The following DSCAM variants were observed in gnomAD, a reference collection of about 807,000 sequenced individuals.
The protein encoded by DSCAM is cell adhesion molecule DSCAM.
DSCAM carries 47 observed loss-of-function variants against 217.7 expected under a neutral mutation model. The ratio of observed to expected loss-of-function variants is 0.22; its 90% CI spans 0.17 to 0.28. DSCAM has a LOEUF of 0.28. Among genes scored for constraint, DSCAM ranks in the 10% least tolerant of loss-of-function variants. DSCAM has a pLI of 1.00. For missense variants in DSCAM, 2,080 were observed against 2,618.3 expected (o/e 0.79, Z 4.49); for synonymous variants, 1,056 against 1,015.3 (o/e 1.04, Z -0.76).
chr21:40,096,600 AC>A (rs1361918408), intron 20 of DSCAM, among the ~76,000 whole-genome samples: 1 of 152,178 alleles, frequency 6.6e-6, no homozygotes, highest in Non-Finnish European at 1.5e-5. Flanking sequence ...GAGAGACAGG[AC>A]CAAAAAAAGG....
At chr21:40,201,421 T>G (rs2091068574) in intron 11 of DSCAM, among the ~76,000 whole-genome samples, 1 of 152,058 alleles carries the variant, frequency 6.6e-6, no homozygotes, top group Non-Finnish European at 1.5e-5. Context: ...AGGTACTATA[T>G]TTTGCCCAAT....
At chr21:40,592,201 C>A (rs2076989028) in intron 3 of DSCAM, among the ~76,000 whole-genome samples, 1 of 152,098 alleles carries the variant, frequency 6.6e-6, no homozygotes. Flanking sequence ...TTAAATTTTT[C>A]AGGTGAGAAA....
chr21:40,748,294 A>G (rs2091194526), intron 1 of DSCAM, among the ~76,000 whole-genome samples: 1 of 151,916 alleles, frequency 6.6e-6, no homozygotes, highest in African/African-American at 2.4e-5. Context: ...TTTGCAGACA[A>G]TATCATCATA....
intron 20 of DSCAM, among the ~76,000 whole-genome samples, chr21:40,116,745 G>A (rs887372396): frequency 2.4e-4 from 37 of 151,222 alleles, no homozygotes; most frequent in African/African-American, 7.8e-4. Flanking sequence ...GCTCACGCCT[G>A]TAATCCCAGC....
At chr21:40,327,272 T>C (rs2074327932) in intron 8 of DSCAM, among the ~76,000 whole-genome samples, 1 of 152,174 alleles carries the variant, frequency 6.6e-6, no homozygotes, top group Non-Finnish European at 1.5e-5. Flanking sequence ...CCCTTTCTTA[T>C]CTCTACATAA....
At chr21:40,108,439 T>C (rs2089850105) in intron 20 of DSCAM, among the ~76,000 whole-genome samples, 1 of 152,150 alleles carries the variant, frequency 6.6e-6, no homozygotes, top group African/African-American at 2.4e-5. Flanking sequence ...GGAATGAAGC[T>C]AACTAGGATG....
intron 3 of DSCAM, among the ~76,000 whole-genome samples, chr21:40,416,590 A>G (rs2075374131): frequency 6.6e-6 from 1 of 152,216 alleles, no homozygotes; most frequent in Non-Finnish European, 1.5e-5. Context: ...ATGAAAAATG[A>G]CAGGTTTGTA....
chr21:40,594,709 A>G (rs1321711377), intron 3 of DSCAM, among the ~76,000 whole-genome samples: 5 of 148,580 alleles, frequency 3.4e-5, no homozygotes, highest in Middle Eastern at 3.4e-3. Context: ...ATAATCAATA[A>G]CTTGTATGTA....
intron 3 of DSCAM, among the ~76,000 whole-genome samples, chr21:40,611,719 G>T (rs1440806830): frequency 6.6e-6 from 1 of 152,204 alleles, no homozygotes; most frequent in African/African-American, 2.4e-5. Context: ...CTGTGTGCAG[G>T]ACAGTTTTCT....
At chr21:40,228,684 T>A (rs529257497) in intron 11 of DSCAM, among the ~76,000 whole-genome samples, 46 of 151,370 alleles carry the variant, frequency 3.0e-4, no homozygotes, top group South Asian at 8.4e-4. Context: ...TTTCTAACTC[T>A]ACAAGAAGTT....
At chr21:40,272,965 C>G (rs2073639177) in intron 11 of DSCAM, among the ~76,000 whole-genome samples, 1 of 152,076 alleles carries the variant, frequency 6.6e-6, no homozygotes, top group Non-Finnish European at 1.5e-5. Flanking sequence ...GCTAAAGACA[C>G]CACTCCAGGG....
At chr21:40,053,840 C>T (rs533112432) in intron 29 of DSCAM, among the ~76,000 whole-genome samples, 1 of 152,300 alleles carries the variant, frequency 6.6e-6, no homozygotes, top group South Asian at 2.1e-4. Flanking sequence ...AGGCCATAGA[C>T]CACTCATGGC....
intron 1 of DSCAM, among the ~76,000 whole-genome samples, chr21:40,709,121 T>G (rs1222377295): frequency 6.6e-6 from 1 of 152,152 alleles, no homozygotes; most frequent in Non-Finnish European, 1.5e-5. Context: ...CTTCTGCCAC[T>G]AGAGATAAGC....
chr21:40,326,104 T>A (rs182647492), intron 8 of DSCAM, among the ~76,000 whole-genome samples: 223 of 152,180 alleles, frequency 1.5e-3, no homozygotes, highest in Admixed American at 9.2e-3. Flanking sequence ...TCTGTGCCTA[T>A]GAGACAGGGA....
At chr21:40,651,226 G>A (rs559313786) in intron 3 of DSCAM, among the ~76,000 whole-genome samples, 5 of 152,280 alleles carry the variant, frequency 3.3e-5, no homozygotes, top group South Asian at 4.2e-4. Context: ...ACACATGGAC[G>A]GCCTTGGCTA....
At chr21:40,392,509 T>C (rs530720645) in intron 3 of DSCAM, among the ~76,000 whole-genome samples, 326 of 152,272 alleles carry the variant, frequency 2.1e-3, no homozygotes, top group Non-Finnish European at 3.7e-3. Flanking sequence ...CAACACGACG[T>C]AGAAAGTAAT....
At chr21:40,822,049 T>A (rs947528525) in intron 1 of DSCAM, among the ~76,000 whole-genome samples, 1 of 149,716 alleles carries the variant, frequency 6.7e-6, no homozygotes, top group Non-Finnish European at 1.5e-5. Flanking sequence ...CCGGGCACAG[T>A]GGCTCATGCC....
chr21:40,525,031 A>AAAAAAAAAAAAAAG (rs2076389835), intron 3 of DSCAM, among the ~76,000 whole-genome samples: 1 of 149,786 alleles, frequency 6.7e-6, no homozygotes, highest in Non-Finnish European at 1.5e-5. Context: ...AAAAAAAAAA[A>AAAAAAAAAAAAAAG]TCCATTCACA....
At chr21:40,653,671 G>A (rs534542924) in intron 3 of DSCAM, among the ~76,000 whole-genome samples, 20 of 152,222 alleles carry the variant, frequency 1.3e-4, no homozygotes, top group African/African-American at 2.9e-4. Flanking sequence ...AAGACCCCGC[G>A]TTGACTGTGA....
Sources: allele counts gnomAD v4.1 joint callset (sites outside exome capture counted in the v4.1 genomes callset), GRCh38; gene constraint gnomAD v4.1.1; transcripts MANE v1.5; gene names NCBI Gene and HGNC (gene_info 2026-07-23, HGNC 2026-07-21).